ERC2: variants seen among roughly 807,000 people sequenced by gnomAD.
The protein encoded by ERC2 is ELKS/RAB6-interacting/CAST family member 2.
In ERC2, 42 loss-of-function variants were observed where a neutral mutation model predicts 114.8. The observed-to-expected ratio is 0.37, with a 90% CI of 0.29 to 0.47. The LOEUF is 0.47. Among genes scored for constraint, ERC2 ranks in the 20% least tolerant of loss-of-function variants. The pLI is 0.99. For synonymous variants in ERC2, 454 were observed against 425.5 expected, an observed-to-expected ratio of 1.07 and a Z score of -0.82; for missense variants, 939 against 1,150.7, an observed-to-expected ratio of 0.82 and a Z score of 2.66.
At chr3:56,062,705 A>T (rs929887547) in intron 7 of ERC2, among the ~76,000 whole-genome samples, 12 of 152,110 alleles carry the variant, frequency 7.9e-5, no homozygotes, top group African/African-American at 2.7e-4. Context: ...TAGGGAGTTT[A>T]TCATTAGTAT....
chr3:55,609,399 T>A (rs2058787305), intron 17 of ERC2, among the ~76,000 whole-genome samples: 1 of 152,174 alleles, frequency 6.6e-6, no homozygotes, highest in African/African-American at 2.4e-5. Context: ...TGAGAGACAC[T>A]GACACTTTTT....
In ERC2 at chr3:55,683,776, T is replaced by C. The variant is rs878876584; in HGVS notation, c.*39+18A>G. On this transcript the variant is annotated intron_variant, in intron 17 of 17. Coordinates refer to ENST00000288221, the MANE Select transcript of ERC2 (RefSeq NM_015576.3). ...ATGCAATTTTTTAATAAAAATGATATAAAAGATGGTTTCTCACCCCTCAAA... is the reference window on the plus strand; with the variant it reads ...ATGCAATTTTTTAATAAAAATGATACAAAAGATGGTTTCTCACCCCTCAAA... The C allele has an allele frequency of 1.3e-6, 2 of 1,595,676 alleles. No individual in the cohort carries two copies. Among genetic ancestry groups the C allele is most frequent in the Non-Finnish European group, 1.7e-6 (2 of 1,166,516 alleles).
At chr3:56,464,491 A>G (rs2063452791) in intron 1 of ERC2, among the ~76,000 whole-genome samples, 1 of 152,230 alleles carries the variant, frequency 6.6e-6, no homozygotes, top group Non-Finnish European at 1.5e-5. Context: ...GTGAAAATAA[A>G]TACCTGTTGC....
intron 1 of ERC2, among the ~76,000 whole-genome samples, chr3:56,451,039 C>A (rs781337451): frequency 6.6e-6 from 1 of 152,084 alleles, no homozygotes; most frequent in African/African-American, 2.4e-5. Flanking sequence ...TTTTCAGATT[C>A]GTTTTTTAAA....
chr3:55,700,941 T>C (rs181396275), intron 15 of ERC2, among the ~76,000 whole-genome samples: 5 of 152,262 alleles, frequency 3.3e-5, no homozygotes, highest in African/African-American at 1.2e-4. Flanking sequence ...GATGCTGCCA[T>C]CCTAGAGACA....
intron 7 of ERC2, among the ~76,000 whole-genome samples, chr3:56,050,638 A>G (rs1207945674): frequency 3.3e-5 from 5 of 152,128 alleles, no homozygotes; most frequent in Non-Finnish European, 7.3e-5. Flanking sequence ...CTGAAATGCT[A>G]CATCCTGTCC....
chr3:56,428,737 G>A (rs1195089686), intron 2 of ERC2, among the ~76,000 whole-genome samples: 4 of 152,188 alleles, frequency 2.6e-5, no homozygotes, highest in African/African-American at 9.7e-5. Flanking sequence ...TATTGATTTA[G>A]AGTAGATTCT....
At chr3:56,182,492 G>A (rs1181355122) in intron 3 of ERC2, among the ~76,000 whole-genome samples, 2 of 152,212 alleles carry the variant, frequency 1.3e-5, no homozygotes, top group African/African-American at 4.8e-5. Context: ...CTTACACATT[G>A]CTATGCGCTA....
intron 15 of ERC2, among the ~76,000 whole-genome samples, chr3:55,709,669 C>T (rs1013718473): frequency 2.6e-5 from 4 of 152,174 alleles, no homozygotes; most frequent in African/African-American, 7.2e-5. Context: ...AGTTCTAAAG[C>T]AGAATGGAAG....
At chr3:56,013,523 C>T (rs2073101776) in intron 8 of ERC2, among the ~76,000 whole-genome samples, 1 of 152,158 alleles carries the variant, frequency 6.6e-6, no homozygotes, top group Non-Finnish European at 1.5e-5. Context: ...GCAGCAAAGT[C>T]TCAACGAAGG....
chr3:55,906,446 AAAAAAAAGTAGT>A (rs1313459452), intron 13 of ERC2, among the ~76,000 whole-genome samples: 1 of 150,108 alleles, frequency 6.7e-6, no homozygotes, highest in Admixed American at 6.6e-5. Context: ...AAAAAAAAAA[AAAAAAAAGTAGT>A]GGCAGGGGGT....
chr3:56,175,288 C>T (rs1018575286), intron 3 of ERC2, among the ~76,000 whole-genome samples: 3 of 152,194 alleles, frequency 2.0e-5, no homozygotes, highest in Admixed American at 6.5e-5. Context: ...TCTCAACCTC[C>T]AATTTGAGAA....
chr3:56,376,563 G>A (rs539772789), intron 2 of ERC2, among the ~76,000 whole-genome samples: 1 of 152,122 alleles, frequency 6.6e-6, no homozygotes, highest in Admixed American at 6.5e-5. Flanking sequence ...AAGAGTTTGA[G>A]ACCAGCCTGA....
chr3:55,841,574 C>A (rs2061135339), intron 14 of ERC2, among the ~76,000 whole-genome samples: 1 of 152,068 alleles, frequency 6.6e-6, no homozygotes, highest in African/African-American at 2.4e-5. Flanking sequence ...ACAGAAGGTA[C>A]CTTTTACTAG....
intron 6 of ERC2, among the ~76,000 whole-genome samples, chr3:56,115,989 T>C (rs772068265): frequency 3.3e-5 from 5 of 152,170 alleles, no homozygotes; most frequent in Non-Finnish European, 5.9e-5. Context: ...GAGCTAATTC[T>C]AAACCCTGCC....
chr3:55,989,514 C>T (rs2070892465), intron 11 of ERC2, among the ~76,000 whole-genome samples: 1 of 152,216 alleles, frequency 6.6e-6, no homozygotes, highest in African/African-American at 2.4e-5. Flanking sequence ...AGCCCAGCAG[C>T]AATGCCTGCT....
chr3:55,801,094 C>T (rs530899532), intron 14 of ERC2, among the ~76,000 whole-genome samples: 1 of 152,306 alleles, frequency 6.6e-6, no homozygotes, highest in East Asian at 1.9e-4. Flanking sequence ...GAATTAATCC[C>T]TTTGTACAAA....
intron 6 of ERC2, among the ~76,000 whole-genome samples, chr3:56,081,870 T>C (rs951385331): frequency 6.6e-6 from 1 of 152,202 alleles, no homozygotes; most frequent in Non-Finnish European, 1.5e-5. Context: ...TTGTACTTTT[T>C]TGATATACAA....
chr3:55,740,655 C>T (rs1047917372), intron 14 of ERC2, among the ~76,000 whole-genome samples: 1 of 152,084 alleles, frequency 6.6e-6, no homozygotes, highest in Non-Finnish European at 1.5e-5. Flanking sequence ...TATGTTAAGG[C>T]TTATCTGGCT....
Sources: allele counts gnomAD v4.1 joint callset (sites outside exome capture counted in the v4.1 genomes callset), GRCh38; gene constraint gnomAD v4.1.1; transcripts MANE v1.5; gene names NCBI Gene and HGNC (gene_info 2026-07-23, HGNC 2026-07-21).